The following CYRIA variants were observed in gnomAD, a reference collection of about 807,000 sequenced individuals.
The protein encoded by CYRIA is CYFIP related Rac1 interactor A.
A neutral mutation model predicts 43.9 loss-of-function variants in CYRIA; 15 were observed. The observed-to-expected ratio is 0.34, with a 90% CI of 0.23 to 0.53. The LOEUF (loss-of-function observed/expected upper bound fraction) is 0.53, where lower values mean the gene tolerates loss of function less well. Ranked by LOEUF, CYRIA falls within the 20% of genes least tolerant of loss-of-function variation. The pLI is 0.94. For synonymous variants in CYRIA, 117 were observed against 136.0 expected (o/e 0.86, Z 0.97); for missense variants, 236 against 394.2 (o/e 0.60, Z 3.40).
intron 2 of CYRIA, among the ~76,000 whole-genome samples, chr2:16,620,909 A>C (rs4832661): frequency 0.26 from 38,813 of 151,934 alleles, 5,717 homozygotes; most frequent in East Asian, 0.71. Context: ...GCCTGGCTAC[A>C]TCTCATCTCC....
chr2:16,641,052 T>G (rs1669661570), intron 1 of CYRIA, among the ~76,000 whole-genome samples: 1 of 152,114 alleles, frequency 6.6e-6, no homozygotes, highest in Non-Finnish European at 1.5e-5. Flanking sequence ...GATCCTACAG[T>G]GCCTCACATC....
intron 10 of CYRIA, among the ~76,000 whole-genome samples, chr2:16,557,936 T>C (rs1396435144): frequency 2.0e-5 from 3 of 152,166 alleles, no homozygotes; most frequent in Non-Finnish European, 1.5e-5. Context: ...ATCTATAGTA[T>C]GAAAATGTTA....
chr2:16,632,026 C>A (rs1005804345), intron 1 of CYRIA, among the ~76,000 whole-genome samples: 1 of 152,224 alleles, frequency 6.6e-6, no homozygotes, highest in East Asian at 1.9e-4. Context: ...AGTGCCCCAG[C>A]CTGCAGCACT....
chr2:16,574,296 G>T (rs1455809187), intron 3 of CYRIA, among the ~76,000 whole-genome samples: 1 of 152,128 alleles, frequency 6.6e-6, no homozygotes, highest in Admixed American at 6.5e-5. Context: ...GATGTGATTT[G>T]GGAGCTGCTA....
chr2:16,644,124 T>C (rs769588398), intron 1 of CYRIA, among the ~76,000 whole-genome samples: 1 of 152,236 alleles, frequency 6.6e-6, no homozygotes, highest in African/African-American at 2.4e-5. Flanking sequence ...GGTTTCCTTA[T>C]ATAATAAAAC....
At position 16,588,705 on chromosome 2, in the gene CYRIA, A is replaced by G. The variant is rs545854498; in HGVS notation, c.-10-576T>C. The stretch of plus-strand genomic sequence containing the variant: ...GAGGAATAGAGTTTAGAAAACATAT[A>G]TTTACACTGCCAGGAACTCCTCTTA... On this transcript the variant is annotated intron_variant, in intron 2 of 11. Transcript: ENST00000381323. Among the ~76,000 whole-genome samples the G allele has an allele frequency of 3.3e-5, 5 of 152,222 alleles. No homozygotes were observed. In the East Asian group the frequency reaches 9.7e-4, roughly 29 times the overall value.
intron 2 of CYRIA, among the ~76,000 whole-genome samples, chr2:16,607,689 C>T (rs566251423): frequency 3.9e-5 from 6 of 152,026 alleles, no homozygotes; most frequent in Admixed American, 1.3e-4. Context: ...CCCAGGTTCC[C>T]GGGTTCAAGC....
At position 16,609,713 on chromosome 2, in the gene CYRIA, T is replaced by G. The variant is rs534794216; in HGVS notation, c.-11+14151A>C. Among the ~76,000 whole-genome samples the G allele has an allele frequency of 2.0e-5, 3 of 152,346 alleles. No individual in the cohort carries two copies. The East Asian group carries it at 5.8e-4, about 29-fold the overall frequency. ...AATAGGGCCTGACACATAGAAGGAA[T>G]GCCATACATATATGTGGAATAAATA... On this transcript the variant is annotated intron_variant, in intron 2 of 11. Transcript: ENST00000381323.
rs141748842 is a variant in CYRIA at position 16,662,537 on chromosome 2, T to C, written c.-167+3243A>G. Among the ~76,000 whole-genome samples, 432 of 152,332 alleles carry C rather than the reference T, an allele frequency of 2.8e-3. 3 individuals are homozygous for C. The highest frequency in any genetic ancestry group is 0.01 in the African/African-American group (421 of 41,570). ...ACCACTTTCTTTCTAATCACCATGA[T>C]GTCTTGTCAGGTAATTCATGCAGCT... On this transcript the variant is annotated intron_variant, in intron 1 of 11. Transcript: ENST00000381323.
intron 1 of CYRIA, among the ~76,000 whole-genome samples, chr2:16,624,763 T>C (rs1193966969): frequency 6.6e-6 from 1 of 152,114 alleles, no homozygotes; most frequent in African/African-American, 2.4e-5. Context: ...TCATAGAAAA[T>C]AGAGGGGAGC....
chr2:16,579,952 G>GTTT (rs57546570), intron 3 of CYRIA, among the ~76,000 whole-genome samples: 1 of 145,898 alleles, frequency 6.9e-6, no homozygotes, highest in Non-Finnish European at 1.5e-5. Context: ...TTAAAAGGAA[G>GTTT]TTTTTTTTTT....
Position 16,620,733 on chromosome 2 carries a change from C to T in CYRIA, c.-11+3131G>A, listed in dbSNP as rs573534323. On this transcript the variant is annotated intron_variant, in intron 2 of 11. Transcript: ENST00000381323. The stretch of plus-strand genomic sequence containing the variant: ...CCCTCACCTCCCTCTCTAAGTGAGT[C>T]CCTTGGTCTCTCAGACTCACCTCTC... Among the ~76,000 whole-genome samples, 8 of 152,266 alleles carry T rather than the reference C, an allele frequency of 5.3e-5. No individual in the cohort carries two copies. In the South Asian group the frequency reaches 1.7e-3, roughly 32 times the overall value.
In CYRIA at chr2:16,561,596, G is replaced by A. The variant is rs1037026574; in HGVS notation, c.436-63C>T. The A allele has an allele frequency of 7.3e-6, 9 of 1,237,904 alleles. No individual in the cohort carries two copies. The Admixed American group carries it at 1.5e-4, about 21-fold the overall frequency. The allele number at this position is 1,237,904 out of a possible 1,614,324, so 76.7% of individuals were successfully genotyped here. A position where few individuals can be genotyped will look rare whatever the true frequency, so the allele number is the denominator to read the frequency against. On this transcript the variant is annotated intron_variant, in intron 6 of 11. Coordinates refer to ENST00000381323, the MANE Select transcript of CYRIA (RefSeq NM_030797.4). Reference sequence around the variant, plus strand: ...GTATCAGATGGGGTATATGCATTAGGAGGAGCCCAGACACTAGATTTTATA... The same window carrying A: ...GTATCAGATGGGGTATATGCATTAGAAGGAGCCCAGACACTAGATTTTATA...
intron 2 of CYRIA, among the ~76,000 whole-genome samples, chr2:16,614,020 T>C (rs969715181): frequency 1.3e-5 from 2 of 152,328 alleles, no homozygotes; most frequent in South Asian, 4.1e-4. Flanking sequence ...AAAACATCTG[T>C]GTTGTGGCTG....
intron 1 of CYRIA, 71 bp downstream of exon 1, chr2:16,665,709 T>G (rs1444887140): frequency 6.8e-6 from 1 of 146,940 alleles, no homozygotes; most frequent in African/African-American, 2.5e-5. Context: ...CGGTGCCCCG[T>G]GCAGGCCGAG....
intron 1 of CYRIA, among the ~76,000 whole-genome samples, chr2:16,638,696 A>G (rs1669578205): frequency 6.6e-6 from 1 of 152,168 alleles, no homozygotes; most frequent in South Asian, 2.1e-4. Flanking sequence ...AGGAATCTGC[A>G]TTTTGAACGT....
chr2:16,623,272 T>C (rs1669057641), intron 2 of CYRIA: 1 of 152,176 alleles, frequency 6.6e-6, no homozygotes, highest in Non-Finnish European at 1.5e-5. Flanking sequence ...TGTGGCCACA[T>C]TCCTTGCACA....
intron 2 of CYRIA, 121 bp from the exon 3 acceptor site, chr2:16,588,250 G>C (rs1667803541): frequency 1.7e-6 from 1 of 577,084 alleles, no homozygotes; most frequent in African/African-American, 1.9e-5. Context: ...CTCCAACCCA[G>C]GGGTTGAGCA....
intron 9 of CYRIA, among the ~76,000 whole-genome samples, chr2:16,559,919 A>G (rs1666668783): frequency 6.6e-6 from 1 of 152,186 alleles, no homozygotes; most frequent in Non-Finnish European, 1.5e-5. Context: ...CCAAGATTAT[A>G]GAGAGTAATG....
Sources: allele counts gnomAD v4.1 joint callset (sites outside exome capture counted in the v4.1 genomes callset), GRCh38; gene constraint gnomAD v4.1.1; transcripts MANE v1.5; gene names NCBI Gene and HGNC (gene_info 2026-07-23, HGNC 2026-07-21).